TLL1: variants seen among roughly 807,000 people sequenced by gnomAD.
TLL1 encodes the protein tolloid-like protein 1.
A neutral mutation model predicts 128.2 loss-of-function variants in TLL1; 49 were observed. The ratio of observed to expected loss-of-function variants is 0.38; its 90% CI spans 0.30 to 0.48. The LOEUF is 0.48. Ranked by LOEUF, TLL1 falls within the 20% of genes least tolerant of loss-of-function variation. TLL1 has a pLI of 0.96. For synonymous variants in TLL1, 454 were observed against 418.8 expected (o/e 1.08, Z -1.03); for missense variants, 1,123 against 1,242.0 (o/e 0.90, Z 1.44).
chr4:165,947,939 C>T (rs1734335461), intron 1 of TLL1, among the ~76,000 whole-genome samples: 1 of 152,072 alleles, frequency 6.6e-6, no homozygotes, highest in Non-Finnish European at 1.5e-5. Context: ...CTGTTTGAAC[C>T]CTCAAATTCT....
chr4:166,043,025 A>G (rs906473217), intron 11 of TLL1, among the ~76,000 whole-genome samples: 6 of 152,188 alleles, frequency 3.9e-5, no homozygotes, highest in Admixed American at 3.9e-4. Context: ...GTTAAAAAAT[A>G]CCTTTTCGTT....
intron 1 of TLL1, among the ~76,000 whole-genome samples, chr4:165,898,658 G>A (rs1450685193): frequency 6.6e-6 from 1 of 152,132 alleles, no homozygotes; most frequent in African/African-American, 2.4e-5. Flanking sequence ...ATTTTGCATT[G>A]ATGTTCATCA....
chr4:166,038,989 G>A (rs1739123112), intron 9 of TLL1, among the ~76,000 whole-genome samples: 2 of 152,092 alleles, frequency 1.3e-5, no homozygotes, highest in South Asian at 4.1e-4. Flanking sequence ...CTCAAGCCAT[G>A]TTTATCTTGG....
chr4:165,902,095 C>A (rs936113661), intron 1 of TLL1, among the ~76,000 whole-genome samples: 8 of 152,224 alleles, frequency 5.3e-5, no homozygotes, highest in Admixed American at 1.3e-4. Context: ...CCCCTCCCCC[C>A]ACGAAGCTTG....
chr4:165,912,068 G>A (rs76332735), intron 1 of TLL1, among the ~76,000 whole-genome samples: 1 of 152,100 alleles, frequency 6.6e-6, no homozygotes, highest in East Asian at 1.9e-4. Flanking sequence ...GTAGAGACGA[G>A]GTTTCACCAT....
chr4:166,080,032 G>A (rs190113622), intron 18 of TLL1, among the ~76,000 whole-genome samples: 47 of 152,158 alleles, frequency 3.1e-4, no homozygotes, highest in Admixed American at 2.9e-3. Flanking sequence ...TGTTTGGGCC[G>A]CCATAACAGA....
intron 1 of TLL1, among the ~76,000 whole-genome samples, chr4:165,922,115 A>C (rs1187458386): frequency 1.3e-5 from 2 of 152,140 alleles, no homozygotes; most frequent in Non-Finnish European, 2.9e-5. Context: ...GAACCCAGGG[A>C]ATCAGTGCTC....
chr4:165,996,333 G>A lies in TLL1; in HGVS notation c.632+1155G>A, dbSNP rs1333615159. Among the ~76,000 whole-genome samples the A allele has an allele frequency of 2.6e-5, 4 of 152,190 alleles. No homozygotes were observed. The East Asian group carries it at 5.8e-4, about 22-fold the overall frequency. ...ATTTAAACATCAACTAAGGAGCCGG[G>A]CACGGTGGCTCACGCCTGTAATCCC... is the stretch of plus-strand genomic sequence containing the variant. On this transcript the variant is annotated intron_variant, in intron 5 of 20. Coordinates refer to ENST00000061240, the MANE Select transcript of TLL1 (RefSeq NM_012464.5).
At chr4:165,994,587 G>C in intron 4 of TLL1, 54 bp downstream of exon 4, 1 of 1,590,616 alleles carries the variant, frequency 6.3e-7, no homozygotes, top group Non-Finnish European at 8.6e-7. Context: ...CTATCATACA[G>C]ATTAAGTGTC....
intron 1 of TLL1, among the ~76,000 whole-genome samples, chr4:165,931,445 G>T (rs866549548): frequency 2.0e-5 from 3 of 152,110 alleles, no homozygotes; most frequent in Admixed American, 2.0e-4. Context: ...TTGGCCAGGC[G>T]TGGTCATTCA....
At chr4:165,914,273 G>A (rs1579479927) in intron 1 of TLL1, among the ~76,000 whole-genome samples, 1 of 152,012 alleles carries the variant, frequency 6.6e-6, no homozygotes, top group African/African-American at 2.4e-5. Context: ...TACTAAAAAT[G>A]TTATATTTAT....
chr4:166,016,954 C>T (rs7657308), intron 8 of TLL1, among the ~76,000 whole-genome samples: 2,114 of 151,732 alleles, frequency 0.014, 50 homozygotes, highest in African/African-American at 0.048. Context: ...TTATCTTTGA[C>T]TCAGTGGCTA....
intron 7 of TLL1, among the ~76,000 whole-genome samples, chr4:166,013,203 A>C (rs2111049003): frequency 6.6e-6 from 1 of 152,000 alleles, no homozygotes; most frequent in South Asian, 2.1e-4. Context: ...CCATCACTGC[A>C]CAATCAATAT....
intron 17 of TLL1, among the ~76,000 whole-genome samples, chr4:166,075,244 C>T (rs1740971167): frequency 6.6e-6 from 1 of 152,182 alleles, no homozygotes; most frequent in Admixed American, 6.5e-5. Flanking sequence ...GCTAGGATAC[C>T]ATCTGGTAGC....
At chr4:165,993,224 A>G (rs761757071) in intron 3 of TLL1, among the ~76,000 whole-genome samples, 5 of 152,056 alleles carry the variant, frequency 3.3e-5, no homozygotes, top group Non-Finnish European at 7.4e-5. Flanking sequence ...AAAAAATATC[A>G]TGGTTATTTG....
intron 7 of TLL1, among the ~76,000 whole-genome samples, chr4:166,012,725 T>C (rs1159746756): frequency 6.6e-6 from 1 of 151,706 alleles, no homozygotes; most frequent in Non-Finnish European, 1.5e-5. Flanking sequence ...TCTTATGAAC[T>C]ATGCACAGAT....
chr4:165,956,847 C>T (rs1226325338), intron 1 of TLL1, among the ~76,000 whole-genome samples: 2 of 152,022 alleles, frequency 1.3e-5, no homozygotes, highest in African/African-American at 4.8e-5. Flanking sequence ...GCTGTGGCTC[C>T]AGCCGGTCCC....
In TLL1 at chr4:166,077,900, C is replaced by T. The variant is rs201091145; in HGVS notation, c.2315-3C>T. 9 of 1,613,258 alleles carry T rather than the reference C, an allele frequency of 5.6e-6. No individual in the cohort carries two copies. The highest frequency in any genetic ancestry group is 1.1e-5 in the South Asian group (1 of 91,054). Reference sequence around the variant, plus strand: ...CTGTCTGATATTATGGTTATTGGTGCAGCTGAGTGTGAACAGAAGATCCAC... The same window carrying T: ...CTGTCTGATATTATGGTTATTGGTGTAGCTGAGTGTGAACAGAAGATCCAC... On this transcript the variant is annotated splice_polypyrimidine_tract_variant and splice_region_variant and intron_variant, in intron 17 of 20. Transcript: ENST00000061240.
chr4:166,044,335 G>A (rs748082649), intron 12 of TLL1: 198 of 1,533,392 alleles, frequency 1.3e-4, no homozygotes, highest in South Asian at 3.2e-4. Context: ...GGCAGTGACC[G>A]TGGTCATGGT....
Sources: gnomAD v4.1 joint callset for allele counts (sites outside exome capture counted in the v4.1 genomes callset) on GRCh38, gnomAD v4.1.1 for gene constraint, MANE v1.5 for transcripts, NCBI Gene and HGNC (gene_info 2026-07-23, HGNC 2026-07-21) for gene names.